The following USP32 variants were observed in gnomAD, a reference collection of about 807,000 sequenced individuals.
The protein encoded by USP32 is ubiquitin specific peptidase 32, also known as ubiquitin carboxyl-terminal hydrolase 32.
A neutral mutation model predicts 204.8 loss-of-function variants in USP32; 59 were observed. The ratio of observed to expected loss-of-function variants is 0.29; its 90% CI spans 0.23 to 0.36. The LOEUF (loss-of-function observed/expected upper bound fraction) is 0.36, where lower values mean the gene tolerates loss of function less well. Among genes scored for constraint, USP32 ranks in the 10% least tolerant of loss-of-function variants. The probability of loss-of-function intolerance (pLI) is 1.00; values close to 1 mark genes in which losing one functional copy is unlikely to be tolerated. For synonymous variants in USP32, 517 were observed against 678.4 expected, an observed-to-expected ratio of 0.76 and a Z score of 3.70; for missense variants, 1,160 against 1,946.4, an observed-to-expected ratio of 0.60 and a Z score of 7.60.
intron 15 of USP32, among the ~76,000 whole-genome samples, chr17:60,220,600 G>A (rs2085217858): frequency 6.6e-6 from 1 of 151,134 alleles, no homozygotes; most frequent in African/African-American, 2.4e-5. Flanking sequence ...AGTAGTAAAT[G>A]ATCAATTTCA....
chr17:60,290,379 T>A lies in USP32; in HGVS notation c.412-1697A>T, dbSNP rs1352218613. ...TTTATTTTGACATTGACAATGACAT[T>A]CAGACATGTTGCAGGGACATATGAG... is the stretch of plus-strand genomic sequence containing the variant. On this transcript the variant is annotated intron_variant, in intron 4 of 33. Coordinates refer to ENST00000300896, the MANE Select transcript of USP32 (RefSeq NM_032582.4). 2.0e-5 allele frequency among the ~76,000 whole-genome samples: 3 copies of A among 152,182 alleles called. No homozygotes were observed. The East Asian group carries it at 5.8e-4, about 29-fold the overall frequency.
chr17:60,272,225 G>A (rs2086740529), intron 5 of USP32, among the ~76,000 whole-genome samples: 1 of 152,122 alleles, frequency 6.6e-6, no homozygotes, highest in Non-Finnish European at 1.5e-5. Flanking sequence ...GATTCATCCT[G>A]TCAATACAAT....
At chr17:60,206,672 A>G (rs2084835262) in intron 25 of USP32, among the ~76,000 whole-genome samples, 2 of 151,708 alleles carry the variant, frequency 1.3e-5, no homozygotes, top group Admixed American at 1.3e-4. Flanking sequence ...GACCACATTA[A>G]ATTACATATA....
chr17:60,274,116 AAAG>A (rs893088958), intron 5 of USP32, among the ~76,000 whole-genome samples: 7 of 152,108 alleles, frequency 4.6e-5, no homozygotes, highest in African/African-American at 1.4e-4. Flanking sequence ...TGGCAACTAT[AAAG>A]AAGTATCAAC....
chr17:60,211,547 C>T, intron 19 of USP32, 33 bp from the exon 20 acceptor site: 1 of 1,588,482 alleles, frequency 6.3e-7, no homozygotes. Context: ...CAAAGCTTAG[C>T]TGTAGTAATA....
intron 17 of USP32, 152 bp downstream of exon 17, chr17:60,214,468 A>C (rs1301814166): frequency 2.7e-6 from 2 of 732,242 alleles, no homozygotes; most frequent in African/African-American, 3.7e-5. Flanking sequence ...TACTCATGAA[A>C]TATGATTTAA....
intron 2 of USP32, among the ~76,000 whole-genome samples, chr17:60,328,992 G>A (rs1286865722): frequency 6.6e-5 from 10 of 152,178 alleles, no homozygotes; most frequent in Non-Finnish European, 1.5e-5. Flanking sequence ...CTGGTAGTGT[G>A]AGCCTGCCAG....
Position 60,223,522 on chromosome 17 carries a change from G to A in USP32, c.1497C>T (p.Asp499=), listed in dbSNP as rs77792840. 1.7e-5 allele frequency: 27 copies of A among 1,613,654 alleles called. No individual in the cohort carries two copies. The East Asian group carries it at 6.0e-4, about 36-fold the overall frequency. ...CTCCCAGCAAACACTGGTTGTTATT[G>A]TCAGAAGTGTTATGTTGTCGAGCAA... The part of the protein sequence containing the change: ...VCFARQHNTS[D]NNNQCLLGAN... The change falls in exon 14 of 34, where the codon GAC becomes GAT. Residue 499 remains aspartate (D), a synonymous_variant. Coordinates refer to ENST00000300896, the MANE Select transcript of USP32 (RefSeq NM_032582.4).
chr17:60,276,637 T>C (rs771492040), intron 5 of USP32, among the ~76,000 whole-genome samples: 62 of 152,314 alleles, frequency 4.1e-4, no homozygotes, highest in Non-Finnish European at 8.8e-4. Context: ...TTCTGATTAA[T>C]TGGTGTTTAC....
intron 1 of USP32, among the ~76,000 whole-genome samples, chr17:60,348,162 C>T (rs1159898937): frequency 6.6e-6 from 1 of 150,658 alleles, no homozygotes; most frequent in Non-Finnish European, 1.5e-5. Flanking sequence ...AGATGATAAA[C>T]TTTTTTAAGG....
In USP32 at chr17:60,235,345, T is replaced by C. The variant is rs542525850; in HGVS notation, c.1239+793A>G. On this transcript the variant is annotated intron_variant, in intron 12 of 33. Transcript: ENST00000300896. ...TCCAGGAAGTCATTTGCCTACTTTT[T>C]ATTCCTTCAGAGACACCAAAGTCCG... Among the ~76,000 whole-genome samples, 3 of 152,362 alleles carry C rather than the reference T, an allele frequency of 2.0e-5. No homozygotes were observed. In the East Asian group the frequency reaches 5.8e-4, roughly 29 times the overall value.
At chr17:60,297,731 A>G (rs1252017885) in intron 3 of USP32, among the ~76,000 whole-genome samples, 1 of 152,126 alleles carries the variant, frequency 6.6e-6, no homozygotes, top group Non-Finnish European at 1.5e-5. Context: ...GTGAGCCATC[A>G]CAACCCACCT....
At chr17:60,181,787 T>C in intron 31 of USP32, 39 bp from the exon 32 acceptor site, 1 of 1,579,578 alleles carries the variant, frequency 6.3e-7, no homozygotes, top group Non-Finnish European at 8.6e-7. Flanking sequence ...CAAATTCAAA[T>C]GCCACAAAGT....
In USP32 at chr17:60,283,700, G is replaced by T. The variant is rs563741321; in HGVS notation, c.571+4823C>A. On this transcript the variant is annotated intron_variant, in intron 5 of 33. Transcript: ENST00000300896. ...TTTTTTTTTTTAATACCTTTAGGTG[G>T]ATCATGGCAGGGAAAGATGAATTCA... 3.6e-4 allele frequency among the ~76,000 whole-genome samples: 54 copies of T among 151,740 alleles called. 2 individuals are homozygous for T. The South Asian group carries it at 0.011, about 31-fold the overall frequency.
intron 9 of USP32, among the ~76,000 whole-genome samples, chr17:60,260,826 A>T (rs555783438): frequency 6.6e-6 from 1 of 152,246 alleles, no homozygotes; most frequent in Admixed American, 6.5e-5. Flanking sequence ...CCTACACTTG[A>T]TAGTAGTCAG....
rs1415988255 is a variant in USP32 at position 60,190,543 on chromosome 17, T to C, written c.3642+20A>G. On this transcript the variant is annotated intron_variant, in intron 29 of 33. Transcript: ENST00000300896. ...TTCTCATATAAAAACCACCATTTTA[T>C]GGTGGCCCTAAATACTTACCCTTTC... The C allele has an allele frequency of 6.5e-7, 1 of 1,530,742 alleles. No homozygotes were observed. The highest frequency in any genetic ancestry group is 8.7e-7 in the Non-Finnish European group (1 of 1,144,714). 94.8% of individuals were successfully genotyped at this position (1,530,742 alleles called of 1,614,324 possible).
At chr17:60,257,683 T>G (rs532345550) in intron 9 of USP32, among the ~76,000 whole-genome samples, 12 of 152,076 alleles carry the variant, frequency 7.9e-5, no homozygotes, top group Middle Eastern at 3.4e-3. Flanking sequence ...AAGGTCTAGT[T>G]ATGTTGCCCA....
intron 5 of USP32, 59 bp from the exon 6 acceptor site, chr17:60,271,540 T>C: frequency 1.3e-6 from 2 of 1,529,960 alleles, no homozygotes; most frequent in Non-Finnish European, 1.8e-6. Flanking sequence ...AGGAGTTCAG[T>C]TCATCCTGAT....
At chr17:60,230,688 T>C (rs1353355911) in intron 12 of USP32, among the ~76,000 whole-genome samples, 1 of 152,266 alleles carries the variant, frequency 6.6e-6, no homozygotes, top group African/African-American at 2.4e-5. Flanking sequence ...TGTTCTCCAC[T>C]GCCTGAAACT....
Sources: allele counts gnomAD v4.1 joint callset (sites outside exome capture counted in the v4.1 genomes callset), GRCh38; gene constraint gnomAD v4.1.1; transcripts MANE v1.5; gene names NCBI Gene and HGNC (gene_info 2026-07-23, HGNC 2026-07-21).